SYCP2L: variants seen among roughly 807,000 people sequenced by gnomAD.
SYCP2L encodes the protein synaptonemal complex protein 2 like.
In SYCP2L, 98 loss-of-function variants were observed where a neutral mutation model predicts 125.8. That is an observed-to-expected ratio of 0.78 (90% CI 0.66 to 0.92). The LOEUF (loss-of-function observed/expected upper bound fraction) is 0.92. Ranked by LOEUF, SYCP2L falls within the 40% of genes least tolerant of loss-of-function variation. SYCP2L has a pLI of 0.00. For synonymous variants in SYCP2L, 317 were observed against 325.4 expected (o/e 0.97, Z 0.28); for missense variants, 842 against 936.4 (o/e 0.90, Z 1.32).
At chr6:10,951,402 G>A (rs1187593200) in intron 23 of SYCP2L, among the ~76,000 whole-genome samples, 2 of 152,064 alleles carry the variant, frequency 1.3e-5, no homozygotes, top group East Asian at 1.9e-4. Context: ...CAGCCTGGGT[G>A]ACAAAGCAAG....
Position 10,910,823 on chromosome 6 carries a change from G to T in SYCP2L, c.873-1G>T. ...TTTTTTAATTGTGAGGTATTTTGCA[G>T]GGTGTATTCATTTCCGTGTATTGCT... On this transcript the variant is annotated splice_acceptor_variant, in intron 11 of 29. Coordinates refer to ENST00000283141, the MANE Select transcript of SYCP2L (RefSeq NM_001040274.3). LOFTEE classifies it high-confidence loss of function. 1 of 1,613,926 alleles carries T rather than the reference G, an allele frequency of 6.2e-7. No homozygotes were observed. Among genetic ancestry groups the T allele is most frequent in the Non-Finnish European group, 8.5e-7 (1 of 1,179,912 alleles).
rs200031051 is a variant in SYCP2L at position 10,942,521 on chromosome 6, A to G, written c.1876A>G (p.Lys626Glu). The change falls in exon 22 of 30, where the codon AAA becomes GAA. Residue 626 changes from lysine (K) to glutamate (E), a missense_variant. Lys to Glu is a moderately conservative substitution (Grantham distance 56, BLOSUM62 1). Coordinates refer to ENST00000283141, the MANE Select transcript of SYCP2L (RefSeq NM_001040274.3). ...CTTGAAGCACTCAGAAGATGAAGAA[A>G]AACCTAAGGTACTATTTAATTGTTG... ...SSLKHSEDEE[K>E]PKIVNQESLT... is the part of the protein sequence containing the mutation. 3 of 1,602,954 alleles carry G rather than the reference A, an allele frequency of 1.9e-6. No homozygotes were observed. The highest frequency in any genetic ancestry group is 2.7e-5 in the African/African-American group (2 of 74,284).
At chr6:10,968,707 G>A (rs1042894111) in intron 29 of SYCP2L, among the ~76,000 whole-genome samples, 2 of 152,210 alleles carry the variant, frequency 1.3e-5, no homozygotes, top group African/African-American at 4.8e-5. Context: ...GGGAAGAGCA[G>A]TAGGTAGACT....
intron 8 of SYCP2L, among the ~76,000 whole-genome samples, chr6:10,904,231 T>C (rs1780442569): frequency 6.6e-6 from 1 of 152,232 alleles, no homozygotes. Flanking sequence ...AAAGTCATTG[T>C]TGCGTAATTC....
At position 10,927,368 on chromosome 6, in the gene SYCP2L, G is replaced by T. The variant is rs374503829; in HGVS notation, c.1440+1G>T. Reference sequence around the variant, plus strand: ...TGGGGAACCTGCCTCTGATAGTCACGTAGGTTCTTTTCTATTTTCCCTAAG... The same window carrying T: ...TGGGGAACCTGCCTCTGATAGTCACTTAGGTTCTTTTCTATTTTCCCTAAG... On this transcript the variant is annotated splice_donor_variant, in intron 17 of 29. Transcript: ENST00000283141. LOFTEE classifies it high-confidence loss of function. 6.2e-7 allele frequency: 1 copy of T among 1,608,152 alleles called. No homozygotes were observed. Among genetic ancestry groups the T allele is most frequent in the Non-Finnish European group, 8.5e-7 (1 of 1,175,870 alleles).
chr6:10,918,367 C>T (rs1455476826), intron 14 of SYCP2L, among the ~76,000 whole-genome samples: 1 of 151,940 alleles, frequency 6.6e-6, no homozygotes, highest in African/African-American at 2.4e-5. Context: ...AATATATTTT[C>T]CAAACTTTCG....
At chr6:10,924,287 A>T (rs2113345153) in intron 14 of SYCP2L, among the ~76,000 whole-genome samples, 1 of 152,320 alleles carries the variant, frequency 6.6e-6, no homozygotes, top group African/African-American at 2.4e-5. Context: ...AAGATCAACC[A>T]CTTAATTGTG....
chr6:10,909,849 T>C (rs1452047175), intron 10 of SYCP2L, among the ~76,000 whole-genome samples: 1 of 152,206 alleles, frequency 6.6e-6, no homozygotes, highest in African/African-American at 2.4e-5. Context: ...TTATCTTGCT[T>C]ACACTTCTGA....
chr6:10,915,765 A>G (rs1194590552), intron 14 of SYCP2L, among the ~76,000 whole-genome samples: 1 of 152,138 alleles, frequency 6.6e-6, no homozygotes, highest in African/African-American at 2.4e-5. Flanking sequence ...CATCAGGGAT[A>G]TTGGTCTGTA....
chr6:10,924,641 G>C lies in SYCP2L; in HGVS notation c.1218G>C (p.Gln406His), dbSNP rs752205080. Residue 406 changes from glutamine to histidine, a missense_variant and splice_region_variant, in exon 15 of 30, where the codon CAG becomes CAC. Transcript: ENST00000283141. ...VSIQALGEDK[Q>H]MLPDQTKISS... ...TTCAAGCTTTAGGAGAAGACAAACA[G>C]GTGGCAGGTTTCATTCTTTTGGATT... 4.5e-6 allele frequency: 7 copies of C among 1,555,978 alleles called. No homozygotes were observed. The highest frequency in any genetic ancestry group is 4.3e-6 in the Non-Finnish European group (5 of 1,159,902).
At chr6:10,895,942 C>T (rs1270885300) in intron 4 of SYCP2L, among the ~76,000 whole-genome samples, 1 of 152,132 alleles carries the variant, frequency 6.6e-6, no homozygotes. Flanking sequence ...CACCTGAGGT[C>T]AGGGGTTCAA....
At chr6:10,968,946 T>C (rs772244305) in intron 29 of SYCP2L, among the ~76,000 whole-genome samples, 7 of 152,198 alleles carry the variant, frequency 4.6e-5, no homozygotes, top group Non-Finnish European at 1.0e-4. Flanking sequence ...TCATGGAGGA[T>C]CACAGAGTAC....
At chr6:10,928,849 A>C (rs1780942782) in intron 18 of SYCP2L, among the ~76,000 whole-genome samples, 1 of 150,824 alleles carries the variant, frequency 6.6e-6, no homozygotes, top group Non-Finnish European at 1.5e-5. Context: ...GCCATCTGTC[A>C]ATTTTTTGAC....
intron 21 of SYCP2L, among the ~76,000 whole-genome samples, chr6:10,937,328 A>G (rs981351705): frequency 6.6e-6 from 1 of 152,230 alleles, no homozygotes; most frequent in African/African-American, 2.4e-5. Flanking sequence ...AAATTAAACA[A>G]CACACTCCCG....
chr6:10,923,311 T>C (rs1288676089), intron 14 of SYCP2L, among the ~76,000 whole-genome samples: 1 of 151,960 alleles, frequency 6.6e-6, no homozygotes, highest in Non-Finnish European at 1.5e-5. Flanking sequence ...TAAGCCCGAT[T>C]ACAATTTGTC....
intron 1 of SYCP2L, 26 bp downstream of exon 1, chr6:10,887,161 C>T (rs1265263718): frequency 1.2e-6 from 2 of 1,614,034 alleles, no homozygotes; most frequent in South Asian, 2.2e-5. Flanking sequence ...AGGGCCCGGA[C>T]CTTCTGTCCA....
intron 28 of SYCP2L, among the ~76,000 whole-genome samples, chr6:10,962,070 T>A (rs1166785778): frequency 6.6e-6 from 1 of 152,220 alleles, no homozygotes; most frequent in Non-Finnish European, 1.5e-5. Flanking sequence ...TCCCATCTTC[T>A]GGAGCCCAAG....
chr6:10,901,928 T>G (rs891472871), intron 6 of SYCP2L, among the ~76,000 whole-genome samples: 1 of 152,230 alleles, frequency 6.6e-6, no homozygotes, highest in Non-Finnish European at 1.5e-5. Context: ...TCAATGTGGT[T>G]TCCTTGTTGG....
At position 10,907,755 on chromosome 6, in the gene SYCP2L, G is replaced by T. The variant is rs1780523365; in HGVS notation, c.819+71G>T. The stretch of plus-strand genomic sequence containing the variant: ...AAGCATCCGCTGAGAACTTTCCTGT[G>T]CATTGGGCTTACGGGAGGATTTTTT... On this transcript the variant is annotated intron_variant, in intron 10 of 29. Transcript: ENST00000283141. 2.6e-6 allele frequency: 4 copies of T among 1,529,980 alleles called. No individual in the cohort carries two copies. The Admixed American group carries it at 7.5e-5, about 29-fold the overall frequency. 94.8% of individuals were successfully genotyped at this position (1,529,980 alleles called of 1,614,324 possible).
Sources: gnomAD v4.1 joint callset for allele counts (sites outside exome capture counted in the v4.1 genomes callset) on GRCh38, gnomAD v4.1.1 for gene constraint, MANE v1.5 for transcripts, NCBI Gene and HGNC (gene_info 2026-07-23, HGNC 2026-07-21) for gene names.